Variants in BLOC1S4 observed in about 807,000 individuals in gnomAD.
The protein encoded by BLOC1S4 is biogenesis of lysosome-related organelles complex 1 subunit 4.
For missense variants in BLOC1S4, 332 were observed against 308.8 expected (o/e 1.07, Z -0.56); for synonymous variants, 179 against 143.7 (o/e 1.25, Z -1.76).
chr4:6,716,331 C>T lies in BLOC1S4; in HGVS notation c.122C>T (p.Ser41Leu), dbSNP rs1433281288. Residue 41 changes from serine to leucine, a missense_variant, in exon 1 of 1, where the codon TCG (serine) becomes TTG (leucine). Ser to Leu is a moderately radical substitution (Grantham distance 145, BLOSUM62 -2). Transcript: ENST00000320776. The stretch of plus-strand genomic sequence containing the variant: ...GTTTCCCAGAGCCACAGCAGCGCCT[C>T]GGGGCCGTGGGAGGACGAGGGCGCG... ...GTVSQSHSSA[S>L]GPWEDEGAED... The T allele has an allele frequency of 8.1e-7, 1 of 1,235,974 alleles. No homozygotes were observed. Among genetic ancestry groups the T allele is most frequent in the Non-Finnish European group, 1.0e-6 (1 of 992,038 alleles). 76.6% of individuals were successfully genotyped at this position (1,235,974 alleles called of 1,614,324 possible). A position where few individuals can be genotyped will look rare whatever the true frequency, so the allele number is the denominator to read the frequency against.
In BLOC1S4 at chr4:6,716,237, G is replaced by T. The variant is rs1219151823; in HGVS notation, c.28G>T (p.Ala10Ser). The T allele has an allele frequency of 4.1e-6, 5 of 1,234,428 alleles. No individual in the cohort carries two copies. The Admixed American group carries it at 1.7e-4, about 42-fold the overall frequency. 76.5% of individuals were successfully genotyped at this position (1,234,428 alleles called of 1,614,324 possible). The change falls in exon 1 of 1, where the codon GCG (alanine) becomes TCG (serine). Residue 10 changes from alanine to serine, a missense_variant. Transcript: ENST00000320776. ...GGAGGGTAGCTTTTCGGATGGCGGA[G>T]CGCTGCCGGAGGGGCTCGCGGAAGA... MEGSFSDGG[A>S]LPEGLAEEAE...
Position 6,716,217 on chromosome 4 carries a change from G to T in BLOC1S4, c.8G>T (p.Gly3Val). ME[G>V]SFSDGGALPE... Reference sequence around the variant, plus strand: ...GTCGGGTGGTCGCGGGCCATGGAGGGTAGCTTTTCGGATGGCGGAGCGCTG... The same window carrying T: ...GTCGGGTGGTCGCGGGCCATGGAGGTTAGCTTTTCGGATGGCGGAGCGCTG... The change falls in exon 1 of 1, where the codon GGT (glycine) becomes GTT (valine). Residue 3 changes from glycine to valine, a missense_variant. Transcript: ENST00000320776. 1 of 1,234,394 alleles carries T rather than the reference G, an allele frequency of 8.1e-7. No homozygotes were observed. Among genetic ancestry groups the T allele is most frequent in the Non-Finnish European group, 1.0e-6 (1 of 987,744 alleles). 76.5% of individuals were successfully genotyped at this position (1,234,394 alleles called of 1,614,324 possible). A position where few individuals can be genotyped will look rare whatever the true frequency, so the allele number is the denominator to read the frequency against.
chr4:6,716,387 C>T lies in BLOC1S4; in HGVS notation c.178C>T (p.Leu60=), dbSNP rs1302385572. 4.0e-6 allele frequency: 5 copies of T among 1,246,732 alleles called. No homozygotes were observed. Among genetic ancestry groups the T allele is most frequent in the Admixed American group, 8.4e-5 (2 of 23,722 alleles). The allele number at this position is 1,246,732 out of a possible 1,614,324, so 77.2% of individuals were successfully genotyped here. The change falls in exon 1 of 1, where the codon CTG becomes TTG. Residue 60 remains leucine, a synonymous_variant. Transcript: ENST00000320776. ...CGGCGCGCCGGGCCGCGACCTGCCG[C>T]TGCTTCGCCGCGCCGCTGCGGGCTA... ...EDGAPGRDLP[L]LRRAAAGYAA...
Position 6,716,907 on chromosome 4 carries a change from C to T in BLOC1S4, c.*44C>T. 1 of 1,496,726 alleles carries T rather than the reference C, an allele frequency of 6.7e-7. No individual in the cohort carries two copies. Among genetic ancestry groups the T allele is most frequent in the East Asian group, 2.4e-5 (1 of 42,200 alleles). The allele number at this position is 1,496,726 out of a possible 1,614,324, so 92.7% of individuals were successfully genotyped here. On this transcript the variant is annotated 3_prime_UTR_variant, in exon 1 of 1. Transcript: ENST00000320776. Reference sequence around the variant, plus strand: ...AAGAGGACCCCAGCTGGGGTGCTTACCTCCAGTATGAAGTGAATTGCAAAT... The same window carrying T: ...AAGAGGACCCCAGCTGGGGTGCTTATCTCCAGTATGAAGTGAATTGCAAAT...
rs1349925297 is a variant in BLOC1S4 at position 6,716,802 on chromosome 4, C to A, written c.593C>A (p.Ala198Asp). 1 of 1,613,866 alleles carries A rather than the reference C, an allele frequency of 6.2e-7. No individual in the cohort carries two copies. The highest frequency in any genetic ancestry group is 8.5e-7 in the Non-Finnish European group (1 of 1,179,792). ...AGGCCACAGCAAGCCGGCTACGAAG[C>A]CCCCGTCCTGTTTCGGACCGAAGAC... The part of the protein sequence containing the change: ...PSRPQQAGYE[A>D]PVLFRTEDYF... Residue 198 changes from alanine to aspartate, a missense_variant, in exon 1 of 1, where the codon GCC becomes GAC. By Grantham distance (126) the Ala-to-Asp change is moderately radical. Coordinates refer to ENST00000320776, the MANE Select transcript of BLOC1S4 (RefSeq NM_018366.3).
In BLOC1S4 at chr4:6,716,355, C is replaced by T. The variant is rs1714899231; in HGVS notation, c.146C>T (p.Ala49Val). The change falls in exon 1 of 1, where the codon GCG becomes GTG. Residue 49 changes from alanine to valine, a missense_variant. By Grantham distance (64) the Ala-to-Val change is moderately conservative. Transcript: ENST00000320776. ...TCGGGGCCGTGGGAGGACGAGGGCG[C>T]GGAGGACGGCGCGCCGGGCCGCGAC... Reference protein sequence around the residue: ...SASGPWEDEGAEDGAPGRDLP... With the variant: ...SASGPWEDEGVEDGAPGRDLP... 1.6e-6 allele frequency: 2 copies of T among 1,236,128 alleles called. No homozygotes were observed. The highest frequency in any genetic ancestry group is 2.0e-6 in the Non-Finnish European group (2 of 992,606). The allele number at this position is 1,236,128 out of a possible 1,614,324, so 76.6% of individuals were successfully genotyped here.
In BLOC1S4 at chr4:6,717,161, C is replaced by G; in HGVS notation, c.*298C>G. On this transcript the variant is annotated 3_prime_UTR_variant, in exon 1 of 1. Transcript: ENST00000320776. ...AGTAGCTGGGACTACGGGGTCGCCA[C>G]TGCACCCAGCCTGTGTCTTCCAGCT... 3.9e-6 allele frequency: 1 copy of G among 253,166 alleles called. No individual in the cohort carries two copies. The highest frequency in any genetic ancestry group is 8.7e-5 in the East Asian group (1 of 11,446). 15.7% of individuals were successfully genotyped at this position (253,166 alleles called of 1,614,324 possible). A position where few individuals can be genotyped will look rare whatever the true frequency, so the allele number is the denominator to read the frequency against.
In BLOC1S4 at chr4:6,716,696, C is replaced by G. The variant is rs745695384; in HGVS notation, c.487C>G (p.Leu163Val). The part of the protein sequence containing the change: ...EEQVTKAEAE[L>V]GTFPRAFKKL... Reference sequence around the variant, plus strand: ...GCAGGTCACCAAGGCCGAGGCCGAGCTGGGCACCTTCCCCAGGGCGTTCAA... The same window carrying G: ...GCAGGTCACCAAGGCCGAGGCCGAGGTGGGCACCTTCCCCAGGGCGTTCAA... The change falls in exon 1 of 1, where the codon CTG (leucine) becomes GTG (valine). Residue 163 changes from leucine (L) to valine (V), a missense_variant. Coordinates refer to ENST00000320776, the MANE Select transcript of BLOC1S4 (RefSeq NM_018366.3). 5 of 1,612,636 alleles carry G rather than the reference C, an allele frequency of 3.1e-6. No individual in the cohort carries two copies. The highest frequency in any genetic ancestry group is 1.3e-5 in the African/African-American group (1 of 74,956).
In BLOC1S4 at chr4:6,716,389, G is replaced by A. The variant is rs1714901469; in HGVS notation, c.180G>A (p.Leu60=). 4.8e-6 allele frequency: 6 copies of A among 1,249,844 alleles called. No homozygotes were observed. Among genetic ancestry groups the A allele is most frequent in the Non-Finnish European group, 6.0e-6 (6 of 1,000,372 alleles). 77.4% of individuals were successfully genotyped at this position (1,249,844 alleles called of 1,614,324 possible). ...GCGCGCCGGGCCGCGACCTGCCGCT[G>A]CTTCGCCGCGCCGCTGCGGGCTACG... is the stretch of plus-strand genomic sequence containing the variant. ...EDGAPGRDLP[L]LRRAAAGYAA... Residue 60 remains leucine, a synonymous_variant, in exon 1 of 1, where the codon CTG becomes CTA. Transcript: ENST00000320776.
rs770174318 is a variant in BLOC1S4, at chr4:6,716,476, AGAG to A, written c.270_272del (p.Glu90del). 3 of 1,536,370 alleles carry A rather than the reference AGAG, an allele frequency of 2.0e-6. No individual in the cohort carries two copies. The highest frequency in any genetic ancestry group is 2.7e-5 in the African/African-American group (2 of 73,022). On this transcript the variant is annotated inframe_deletion, in exon 1 of 1. Transcript: ENST00000320776. ...AGGTCGAGGCCCTGGACGCGAGCCTAGAGGACCTGCTTACCAGAGTGGACGAGT... is the reference window on the plus strand; with the variant it reads ...AGGTCGAGGCCCTGGACGCGAGCCTAGACCTGCTTACCAGAGTGGACGAGT...
At position 6,716,614 on chromosome 4, in the gene BLOC1S4, C is replaced by A; in HGVS notation, c.405C>A (p.Ile135=). 1 of 1,607,082 alleles carries A rather than the reference C, an allele frequency of 6.2e-7. No homozygotes were observed. Residue 135 remains isoleucine, a synonymous_variant, in exon 1 of 1, where the codon ATC becomes ATA. Coordinates refer to ENST00000320776, the MANE Select transcript of BLOC1S4 (RefSeq NM_018366.3). The stretch of plus-strand genomic sequence containing the variant: ...AGATGCGGCGCATCTACAGCAGGAT[C>A]GACCGGCTGGAGGCCTTCGTGAGGA... The part of the protein sequence containing the change: ...AAEMRRIYSR[I]DRLEAFVRMV...
chr4:6,716,786 C>G lies in BLOC1S4; in HGVS notation c.577C>G (p.Gln193Glu), dbSNP rs765758351. The G allele has an allele frequency of 8.7e-6, 14 of 1,613,940 alleles. No homozygotes were observed. The highest frequency in any genetic ancestry group is 2.2e-5 in the East Asian group (1 of 44,890). ...CAAGTCTGCTCCCTCGAGGCCACAG[C>G]AAGCCGGCTACGAAGCCCCCGTCCT... is the stretch of plus-strand genomic sequence containing the variant. Reference protein sequence around the residue: ...FSKSAPSRPQQAGYEAPVLFR... With the variant: ...FSKSAPSRPQEAGYEAPVLFR... Residue 193 changes from glutamine (Q) to glutamate (E), a missense_variant, in exon 1 of 1, where the codon CAA (glutamine) becomes GAA (glutamate). Physicochemically the swap from Gln to Glu is conservative, Grantham distance 29. Coordinates refer to ENST00000320776, the MANE Select transcript of BLOC1S4 (RefSeq NM_018366.3).
At position 6,716,810 on chromosome 4, in the gene BLOC1S4, C is replaced by G. The variant is rs755968151; in HGVS notation, c.601C>G (p.Leu201Val). 43 of 1,613,056 alleles carry G rather than the reference C, an allele frequency of 2.7e-5. No individual in the cohort carries two copies. The Admixed American group carries it at 4.3e-4, about 16-fold the overall frequency. Reference sequence around the variant, plus strand: ...GCAAGCCGGCTACGAAGCCCCCGTCCTGTTTCGGACCGAAGACTACTTCCC... The same window carrying G: ...GCAAGCCGGCTACGAAGCCCCCGTCGTGTTTCGGACCGAAGACTACTTCCC... ...PQQAGYEAPV[L>V]FRTEDYFPCC... The change falls in exon 1 of 1, where the codon CTG becomes GTG. Residue 201 changes from leucine (L) to valine (V), a missense_variant. Physicochemically the swap from Leu to Val is conservative, Grantham distance 32. Transcript: ENST00000320776.
rs1714928602 is a variant in BLOC1S4 at position 6,716,946 on chromosome 4, A to G, written c.*83A>G. The G allele has an allele frequency of 1.6e-6, 2 of 1,247,212 alleles. No homozygotes were observed. The highest frequency in any genetic ancestry group is 2.8e-5 in the Admixed American group (1 of 36,100). 77.3% of individuals were successfully genotyped at this position (1,247,212 alleles called of 1,614,324 possible). ...TGAATTGCAAATCCTGCTTATGGACATATATGATGTTGGAGTGTGGGATTT... is the reference window on the plus strand; with the variant it reads ...TGAATTGCAAATCCTGCTTATGGACGTATATGATGTTGGAGTGTGGGATTT... On this transcript the variant is annotated 3_prime_UTR_variant, in exon 1 of 1. Coordinates refer to ENST00000320776, the MANE Select transcript of BLOC1S4 (RefSeq NM_018366.3).
chr4:6,716,300 G>A lies in BLOC1S4; in HGVS notation c.91G>A (p.Gly31Ser). Residue 31 changes from glycine (G) to serine (S), a missense_variant, in exon 1 of 1, where the codon GGC (glycine) becomes AGC (serine). Gly to Ser is a moderately conservative substitution (Grantham distance 56). Transcript: ENST00000320776. Reference sequence around the variant, plus strand: ...GGGCGCCGCCTGGAGCGGGGACAGTGGCACTGTTTCCCAGAGCCACAGCAG... The same window carrying A: ...GGGCGCCGCCTGGAGCGGGGACAGTAGCACTGTTTCCCAGAGCCACAGCAG... ...PQGAAWSGDS[G>S]TVSQSHSSAS... 8.1e-7 allele frequency: 1 copy of A among 1,234,242 alleles called. No homozygotes were observed. The highest frequency in any genetic ancestry group is 1.0e-6 in the Non-Finnish European group (1 of 989,566). 76.5% of individuals were successfully genotyped at this position (1,234,242 alleles called of 1,614,324 possible).
In BLOC1S4 at chr4:6,716,180, G is replaced by C; in HGVS notation, c.-30G>C. The C allele has an allele frequency of 1.6e-6, 2 of 1,230,892 alleles. No individual in the cohort carries two copies. The highest frequency in any genetic ancestry group is 2.0e-6 in the Non-Finnish European group (2 of 986,150). The allele number at this position is 1,230,892 out of a possible 1,614,324, so 76.2% of individuals were successfully genotyped here. On this transcript the variant is annotated 5_prime_UTR_variant, in exon 1 of 1. Coordinates refer to ENST00000320776, the MANE Select transcript of BLOC1S4 (RefSeq NM_018366.3). ...GCGTGAGCGCGCGGAGGCCGGAAGC[G>C]AGCGCTGCGCAGTCGGGTGGTCGCG... is the stretch of plus-strand genomic sequence containing the variant.
Position 6,717,501 on chromosome 4 carries a change from T to C in BLOC1S4, c.*638T>C, listed in dbSNP as rs1206583019. The C allele has an allele frequency of 1.2e-5, 2 of 166,896 alleles. No individual in the cohort carries two copies. The highest frequency in any genetic ancestry group is 4.8e-5 in the African/African-American group (2 of 41,450). 10.3% of individuals were successfully genotyped at this position (166,896 alleles called of 1,614,324 possible). A position where few individuals can be genotyped will look rare whatever the true frequency, so the allele number is the denominator to read the frequency against. On this transcript the variant is annotated 3_prime_UTR_variant, in exon 1 of 1. Coordinates refer to ENST00000320776, the MANE Select transcript of BLOC1S4 (RefSeq NM_018366.3). ...ATATATGTTGATTTTTTGTGACTAA[T>C]TCCAAAGTTGTATTTGAAAGTATGA...
rs752322263 is a variant in BLOC1S4, at chr4:6,716,614, C to G, written c.405C>G (p.Ile135Met). Residue 135 changes from isoleucine to methionine, a missense_variant, in exon 1 of 1, where the codon ATC becomes ATG. Ile to Met is a conservative substitution (Grantham distance 10). Coordinates refer to ENST00000320776, the MANE Select transcript of BLOC1S4 (RefSeq NM_018366.3). ...AGATGCGGCGCATCTACAGCAGGAT[C>G]GACCGGCTGGAGGCCTTCGTGAGGA... The part of the protein sequence containing the change: ...AAEMRRIYSR[I>M]DRLEAFVRMV... The G allele has an allele frequency of 1.9e-6, 3 of 1,607,082 alleles. No homozygotes were observed. The South Asian group carries it at 3.3e-5, about 18-fold the overall frequency.
Position 6,716,895 on chromosome 4 carries a change from C to G in BLOC1S4, c.*32C>G. 1 of 1,543,570 alleles carries G rather than the reference C, an allele frequency of 6.5e-7. No homozygotes were observed. Among genetic ancestry groups the G allele is most frequent in the Admixed American group, 1.9e-5 (1 of 52,178 alleles). On this transcript the variant is annotated 3_prime_UTR_variant, in exon 1 of 1. Coordinates refer to ENST00000320776, the MANE Select transcript of BLOC1S4 (RefSeq NM_018366.3). ...GACCACTGCGGCAAGAGGACCCCAG[C>G]TGGGGTGCTTACCTCCAGTATGAAG... is the stretch of plus-strand genomic sequence containing the variant.
Sources: gnomAD v4.1 joint callset for allele counts on GRCh38, gnomAD v4.1.1 for gene constraint, MANE v1.5 for transcripts, NCBI Gene and HGNC (gene_info 2026-07-23, HGNC 2026-07-21) for gene names.